The following HS1BP3 variants were observed in gnomAD, a reference collection of about 807,000 sequenced individuals.
The protein encoded by HS1BP3 is HCLS1 binding protein 3, also known as HCLS1-binding protein 3.
A neutral mutation model predicts 33.5 loss-of-function variants in HS1BP3; 32 were observed. That is an observed-to-expected ratio of 0.95 (90% CI 0.72 to 1.28). The LOEUF is 1.28. HS1BP3 is among the 50% of genes most tolerant of loss of function. The pLI is 0.00. For synonymous variants in HS1BP3, 187 were observed against 209.2 expected (o/e 0.89, Z 0.92); for missense variants, 486 against 502.3 (o/e 0.97, Z 0.31).
intron 6 of HS1BP3, among the ~76,000 whole-genome samples, chr2:20,620,793 G>A (rs1490106544): frequency 6.6e-6 from 1 of 152,240 alleles, no homozygotes; most frequent in Non-Finnish European, 1.5e-5. Flanking sequence ...ATGTACTGAT[G>A]TCTACTGACA....
exon 3 of HS1BP3, chr2:20,598,246 C>A: frequency 2.3e-6 from 1 of 428,106 alleles, no homozygotes; most frequent in Non-Finnish European, 4.8e-6. Context: ...GCTTGTTTGC[C>A]TGCAACTAGA....
downstream of HS1BP3, among the ~76,000 whole-genome samples, chr2:20,591,934 C>T (rs920289401): frequency 6.6e-5 from 10 of 152,250 alleles, no homozygotes; most frequent in Middle Eastern, 3.4e-3. Flanking sequence ...GCTGTAAAAT[C>T]TGACAGCAGC....
rs141695624 is a variant in HS1BP3 at position 20,601,645 on chromosome 2, T to C, written c.179-3380A>G. On this transcript the variant is annotated intron_variant, in intron 2 of 3. Coordinates refer to the HS1BP3 transcript ENST00000415264. ...CACAAGTCGCTCTTGCCTGCCGCCA[T>C]GTAAGAGGTCCCTTTGCTCTTCCTT... Among the ~76,000 whole-genome samples the C allele has an allele frequency of 7.9e-5, 12 of 152,260 alleles. No homozygotes were observed. The East Asian group carries it at 2.3e-3, about 29-fold the overall frequency.
intron 5 of HS1BP3, among the ~76,000 whole-genome samples, chr2:20,564,918 G>A (rs888964841): frequency 9.8e-5 from 15 of 152,314 alleles, no homozygotes; most frequent in African/African-American, 2.9e-4. Flanking sequence ...TCAGAGGGTG[G>A]CATCAGCCTC....
intron 2 of HS1BP3, among the ~76,000 whole-genome samples, chr2:20,610,940 C>G (rs1177099390): frequency 6.6e-6 from 1 of 152,184 alleles, no homozygotes; most frequent in Non-Finnish European, 1.5e-5. Context: ...CCTCATGGCC[C>G]CTTGCAGCCA....
chr2:20,575,069 C>A (rs78364431), intron 5 of HS1BP3, among the ~76,000 whole-genome samples: 4,104 of 152,322 alleles, frequency 0.027, 57 homozygotes, highest in Non-Finnish European at 0.031. Flanking sequence ...ACAACGTAAA[C>A]GTCTGGATGC....
At chr2:20,636,650 T>G (rs1695140443) in intron 4 of HS1BP3, 1 of 152,208 alleles carries the variant, frequency 6.6e-6, no homozygotes, top group Non-Finnish European at 1.5e-5. Flanking sequence ...ATACACTTAG[T>G]AAGGTTTTGT....
At chr2:20,555,220 T>C in the HS1BP3 span, among the ~76,000 whole-genome samples, 1 of 152,248 alleles carries the variant, frequency 6.6e-6, no homozygotes, top group Non-Finnish European at 1.5e-5. Context: ...TTTATCTGAC[T>C]TGTTTTTTCA....
intron 3 of HS1BP3, among the ~76,000 whole-genome samples, chr2:20,593,907 C>T (rs188753041): frequency 3.8e-4 from 58 of 152,344 alleles, no homozygotes; most frequent in African/African-American, 1.3e-3. Flanking sequence ...GCCTGCAACA[C>T]TAACTGTGAA....
At chr2:20,579,886 T>G (rs1166706448) in intron 5 of HS1BP3, among the ~76,000 whole-genome samples, 1 of 152,270 alleles carries the variant, frequency 6.6e-6, no homozygotes, top group East Asian at 1.9e-4. Flanking sequence ...GCACATAAAG[T>G]TCCAGGCTCA....
chr2:20,564,433 C>T (rs1693075510), intron 5 of HS1BP3, among the ~76,000 whole-genome samples: 1 of 152,180 alleles, frequency 6.6e-6, no homozygotes, highest in Non-Finnish European at 1.5e-5. Flanking sequence ...TACTCCTTGT[C>T]ACTTTATTCT....
the HS1BP3 span, among the ~76,000 whole-genome samples, chr2:20,554,566 T>G: frequency 1.3e-5 from 2 of 152,056 alleles, no homozygotes; most frequent in African/African-American, 4.8e-5. Context: ...CTACTAAAAC[T>G]ATAAAAATTG....
intron 3 of HS1BP3, among the ~76,000 whole-genome samples, chr2:20,595,057 T>G (rs970776405): frequency 2.0e-5 from 3 of 152,088 alleles, no homozygotes; most frequent in African/African-American, 7.2e-5. Flanking sequence ...GCATGCCACT[T>G]CCCTGAATGA....
chr2:20,631,535 A>T (rs1694968654), intron 4 of HS1BP3, among the ~76,000 whole-genome samples: 1 of 147,094 alleles, frequency 6.8e-6, no homozygotes, highest in Non-Finnish European at 1.5e-5. Context: ...AAAAAAAAAA[A>T]AAAAAAAAAA....
chr2:20,587,536 G>A (rs1693711240), intron 5 of HS1BP3, among the ~76,000 whole-genome samples: 1 of 152,166 alleles, frequency 6.6e-6, no homozygotes, highest in Admixed American at 6.5e-5. Context: ...CAAGAGAGCA[G>A]GATGTTTGTG....
intron 5 of HS1BP3, among the ~76,000 whole-genome samples, chr2:20,581,874 G>C (rs1292119470): frequency 6.6e-6 from 1 of 152,174 alleles, no homozygotes; most frequent in Non-Finnish European, 1.5e-5. Context: ...CCAATTTCAG[G>C]TTCTAGAGGC....
chr2:20,621,394 T>C (rs1287561136), intron 6 of HS1BP3, among the ~76,000 whole-genome samples: 1 of 152,252 alleles, frequency 6.6e-6, no homozygotes, highest in East Asian at 1.9e-4. Flanking sequence ...GGTGTCCTTC[T>C]TGAACAAACC....
intron 2 of HS1BP3, among the ~76,000 whole-genome samples, chr2:20,605,074 A>G (rs866663944): frequency 2.0e-5 from 3 of 152,256 alleles, no homozygotes; most frequent in Admixed American, 6.5e-5. Flanking sequence ...ATGTCTTGGC[A>G]ATAGCTTCAA....
At chr2:20,602,160 C>T (rs1189629427) in intron 2 of HS1BP3, among the ~76,000 whole-genome samples, 2 of 150,454 alleles carry the variant, frequency 1.3e-5, no homozygotes, top group Admixed American at 6.6e-5. Flanking sequence ...AGAGCAAGAC[C>T]TGCTCTCTTC....
Sources: allele counts gnomAD v4.1 joint callset (sites outside exome capture counted in the v4.1 genomes callset), GRCh38; gene constraint gnomAD v4.1.1; transcripts MANE v1.5; gene names NCBI Gene and HGNC (gene_info 2026-07-23, HGNC 2026-07-21).